The following PLD5 variants were observed in gnomAD, a reference collection of about 807,000 sequenced individuals.
The protein encoded by PLD5 is phospholipase D family member 5.
A neutral mutation model predicts 61.1 loss-of-function variants in PLD5; 36 were observed. The observed-to-expected ratio is 0.59, with a 90% CI of 0.45 to 0.78. The LOEUF (loss-of-function observed/expected upper bound fraction) is 0.78. Ranked by LOEUF, PLD5 falls within the 30% of genes least tolerant of loss-of-function variation. The probability of loss-of-function intolerance (pLI) is 0.00; values close to 1 mark genes in which losing one functional copy is unlikely to be tolerated. For synonymous variants in PLD5, 243 were observed against 242.8 expected (o/e 1.00, Z -0.01); for missense variants, 515 against 644.4 (o/e 0.80, Z 2.17).
intron 5 of PLD5, among the ~76,000 whole-genome samples, chr1:242,182,056 A>G (rs1667553854): frequency 6.6e-6 from 1 of 152,188 alleles, no homozygotes; most frequent in Admixed American, 6.5e-5. Flanking sequence ...GCTTCCCTAA[A>G]GACAGAGCTT....
At chr1:242,090,809 G>A (rs1289612087) in intron 9 of PLD5, among the ~76,000 whole-genome samples, 1 of 152,244 alleles carries the variant, frequency 6.6e-6, no homozygotes, top group Non-Finnish European at 1.5e-5. Flanking sequence ...CAGGTGTTGG[G>A]AGGGTTGATT....
Position 242,294,956 on chromosome 1 carries a change from T to C in PLD5, c.327-6426A>G, listed in dbSNP as rs188600975. On this transcript the variant is annotated intron_variant, in intron 2 of 9. Coordinates refer to ENST00000536534, the MANE Select transcript of PLD5 (RefSeq NM_001372062.1). ...TTTGTTGCCTAATGCACTGGATCAG[T>C]TATCAGGACCTGACCTTAAAAAGGT... 5.9e-5 allele frequency among the ~76,000 whole-genome samples: 9 copies of C among 152,294 alleles called. No individual in the cohort carries two copies. The East Asian group carries it at 1.4e-3, about 23-fold the overall frequency.
At chr1:242,385,059 A>G (rs1662521667) in intron 1 of PLD5, among the ~76,000 whole-genome samples, 1 of 152,242 alleles carries the variant, frequency 6.6e-6, no homozygotes, top group Non-Finnish European at 1.5e-5. Flanking sequence ...AAAGGATCCA[A>G]GAATCAGTTT....
At chr1:242,410,128 T>C (rs907781571) in intron 1 of PLD5, among the ~76,000 whole-genome samples, 10 of 152,226 alleles carry the variant, frequency 6.6e-5, no homozygotes, top group African/African-American at 2.2e-4. Context: ...GGGCGACGAC[T>C]ATTTCTGGCT....
intron 1 of PLD5, among the ~76,000 whole-genome samples, chr1:242,501,811 C>T (rs1464283512): frequency 2.2e-5 from 3 of 134,474 alleles, no homozygotes; most frequent in African/African-American, 8.4e-5. Context: ...TATATATATA[C>T]ACTACATCAT....
intron 5 of PLD5, among the ~76,000 whole-genome samples, chr1:242,153,162 GA>G (rs766475333): frequency 8.6e-5 from 13 of 152,008 alleles, no homozygotes; most frequent in Non-Finnish European, 1.8e-4. Context: ...ATTCTTTTGA[GA>G]AGTGTCTGTT....
At chr1:242,123,612 G>A (rs559127796) in intron 6 of PLD5, among the ~76,000 whole-genome samples, 38 of 152,272 alleles carry the variant, frequency 2.5e-4, no homozygotes, top group Admixed American at 2.0e-4. Flanking sequence ...AGCAGTACCC[G>A]GCAAAAGCCA....
chr1:242,290,662 A>C (rs1016516170), intron 2 of PLD5, among the ~76,000 whole-genome samples: 1 of 152,130 alleles, frequency 6.6e-6, no homozygotes, highest in African/African-American at 2.4e-5. Flanking sequence ...GGGGAAAAAA[A>C]GAAGCTTGAA....
intron 1 of PLD5, among the ~76,000 whole-genome samples, chr1:242,426,413 T>C (rs1385846250): frequency 6.6e-6 from 1 of 152,086 alleles, no homozygotes; most frequent in African/African-American, 2.4e-5. Context: ...CCATTTCCTG[T>C]CATTATCAAG....
In PLD5 at chr1:242,231,018, A is replaced by G. The variant is rs182164561; in HGVS notation, c.608-10903T>C. Among the ~76,000 whole-genome samples the G allele has an allele frequency of 9.1e-3, 1,366 of 150,714 alleles. 22 individuals are homozygous for G. Among genetic ancestry groups the G allele is most frequent in the African/African-American group, 0.033 (1,305 of 39,974 alleles). On this transcript the variant is annotated intron_variant, in intron 4 of 9. Transcript: ENST00000536534. ...CAGAAACAATTAGGCTTAAAAATAA[A>G]GACTGTGCTCAAAAATAATAAACTT...
At chr1:242,316,440 T>C (rs1209381297) in intron 2 of PLD5, among the ~76,000 whole-genome samples, 3 of 152,078 alleles carry the variant, frequency 2.0e-5, no homozygotes, top group African/African-American at 7.2e-5. Flanking sequence ...GAAGAACAGG[T>C]CTCCTGAACT....
chr1:242,253,206 A>C (rs1672811011), intron 4 of PLD5, among the ~76,000 whole-genome samples: 1 of 137,086 alleles, frequency 7.3e-6, no homozygotes, highest in Non-Finnish European at 1.5e-5. Context: ...ATCACAGCTC[A>C]CTGCAGGGTG....
chr1:242,466,525 G>A (rs1346433952), intron 1 of PLD5, among the ~76,000 whole-genome samples: 1 of 152,164 alleles, frequency 6.6e-6, no homozygotes, highest in Non-Finnish European at 1.5e-5. Context: ...CAACATGGAT[G>A]AACCTGTACG....
At chr1:242,474,856 G>A (rs886151549) in intron 1 of PLD5, among the ~76,000 whole-genome samples, 2 of 152,108 alleles carry the variant, frequency 1.3e-5, no homozygotes, top group South Asian at 2.1e-4. Context: ...TGCCTGCTCC[G>A]TATTGATTGC....
chr1:242,234,099 A>G (rs1219316518), intron 4 of PLD5, among the ~76,000 whole-genome samples: 1 of 152,206 alleles, frequency 6.6e-6, no homozygotes, highest in Non-Finnish European at 1.5e-5. Flanking sequence ...TCCTTTGAGA[A>G]CCAATAGTTT....
At chr1:242,180,706 C>T (rs1469211723) in intron 5 of PLD5, among the ~76,000 whole-genome samples, 3 of 152,084 alleles carry the variant, frequency 2.0e-5, no homozygotes, top group East Asian at 1.9e-4. Flanking sequence ...TGGGGATGGG[C>T]GTGGTGGCTC....
intron 5 of PLD5, among the ~76,000 whole-genome samples, chr1:242,138,915 T>C (rs1663954413): frequency 6.6e-6 from 1 of 152,238 alleles, no homozygotes; most frequent in African/African-American, 2.4e-5. Context: ...TTTGATATTA[T>C]GAGCAAAGTT....
At chr1:242,377,040 T>A in intron 1 of PLD5, 11 of 1,611,804 alleles carry the variant, frequency 6.8e-6, no homozygotes, top group Non-Finnish European at 9.3e-6. Context: ...GCACTTTCTG[T>A]CTGACACGGT....
chr1:242,526,650 G>A (rs1669454840), upstream of PLD5, among the ~76,000 whole-genome samples: 1 of 152,174 alleles, frequency 6.6e-6, no homozygotes, highest in East Asian at 1.9e-4. Flanking sequence ...TGGCCAGGCT[G>A]GTCTCTCAAG....
Sources: gnomAD v4.1 joint callset for allele counts (sites outside exome capture counted in the v4.1 genomes callset) on GRCh38, gnomAD v4.1.1 for gene constraint, MANE v1.5 for transcripts, NCBI Gene and HGNC (gene_info 2026-07-23, HGNC 2026-07-21) for gene names.